Variants in LRRC63 observed in about 807,000 individuals in gnomAD.
The protein encoded by LRRC63 is leucine-rich repeat-containing protein 63.
LRRC63 carries 40 observed loss-of-function variants against 49.5 expected under a neutral mutation model. The observed-to-expected ratio is 0.81, with a 90% CI of 0.63 to 1.05. The LOEUF (loss-of-function observed/expected upper bound fraction) is 1.05, where lower values mean the gene tolerates loss of function less well. Among genes scored for constraint, LRRC63 ranks in the 50% least tolerant of loss-of-function variants. The pLI, the probability that LRRC63 is intolerant of heterozygous loss-of-function variation, is 0.00. For missense variants in LRRC63, 636 were observed against 663.1 expected (o/e 0.96, Z 0.45); for synonymous variants, 191 against 221.1 (o/e 0.86, Z 1.21).
chr13:46,213,791 A>T (rs999977076), intron 2 of LRRC63, among the ~76,000 whole-genome samples: 1 of 152,224 alleles, frequency 6.6e-6, no homozygotes, highest in African/African-American at 2.4e-5. Flanking sequence ...AAATGTTGAA[A>T]CCAGAGGTTT....
chr13:46,243,414 A>G (rs1383719597), intron 5 of LRRC63, among the ~76,000 whole-genome samples: 1 of 152,222 alleles, frequency 6.6e-6, no homozygotes, highest in Non-Finnish European at 1.5e-5. Context: ...CAGAAAATGA[A>G]TAACAAAATG....
At chr13:46,232,910 T>C (rs1404660509) in intron 4 of LRRC63, among the ~76,000 whole-genome samples, 1 of 152,212 alleles carries the variant, frequency 6.6e-6, no homozygotes, top group Admixed American at 6.5e-5. Context: ...CTGGTATTTT[T>C]GTTTTTTAAA....
chr13:46,222,085 A>G (rs2046421856), intron 2 of LRRC63, among the ~76,000 whole-genome samples: 1 of 152,158 alleles, frequency 6.6e-6, no homozygotes, highest in South Asian at 2.1e-4. Flanking sequence ...TTGTGGTTTA[A>G]TTTGTATTTC....
intron 2 of LRRC63, among the ~76,000 whole-genome samples, chr13:46,219,872 T>A (rs150575042): frequency 0.015 from 2,291 of 152,306 alleles, 27 homozygotes; most frequent in Non-Finnish European, 0.023. Context: ...CTGCTGCAGG[T>A]CTGCTGGAGT....
intron 7 of LRRC63, among the ~76,000 whole-genome samples, chr13:46,261,320 A>G (rs2047610456): frequency 6.6e-6 from 1 of 152,216 alleles, no homozygotes; most frequent in Non-Finnish European, 1.5e-5. Flanking sequence ...GTTAGTTAAT[A>G]TAAGGTCATA....
At chr13:46,237,481 G>C (rs1024463715) in intron 5 of LRRC63, among the ~76,000 whole-genome samples, 2 of 152,116 alleles carry the variant, frequency 1.3e-5, no homozygotes, top group Admixed American at 6.6e-5. Flanking sequence ...ATGTGGTGAA[G>C]GGGTATGTGG....
intron 8 of LRRC63, among the ~76,000 whole-genome samples, chr13:46,263,768 A>G (rs997233893): frequency 3.9e-5 from 6 of 152,186 alleles, no homozygotes; most frequent in Non-Finnish European, 7.3e-5. Flanking sequence ...TTATTAAAGA[A>G]TGTTTATTTA....
At chr13:46,258,552 G>A (rs1336258572) in intron 7 of LRRC63, among the ~76,000 whole-genome samples, 1 of 150,608 alleles carries the variant, frequency 6.6e-6, no homozygotes, top group East Asian at 2.0e-4. Flanking sequence ...GCTCACGCCT[G>A]TAATCCCAGC....
At chr13:46,259,912 CTAGTT>C (rs1187870088) in intron 7 of LRRC63, among the ~76,000 whole-genome samples, 1 of 152,046 alleles carries the variant, frequency 6.6e-6, no homozygotes, top group Non-Finnish European at 1.5e-5. Context: ...CAGTAGGGCT[CTAGTT>C]TAGGCAGCTC....
intron 2 of LRRC63, among the ~76,000 whole-genome samples, chr13:46,218,581 G>A (rs193203547): frequency 6.6e-6 from 1 of 152,204 alleles, no homozygotes; most frequent in East Asian, 1.9e-4. Context: ...TGTTTTAATA[G>A]GGGCATTTAG....
chr13:46,227,678 T>G, exon 3 of LRRC63: 1 of 1,550,458 alleles, frequency 6.4e-7, no homozygotes, highest in East Asian at 2.4e-5. Flanking sequence ...AAAGAGTGAC[T>G]GCAATTTCAT....
intron 9 of LRRC63, among the ~76,000 whole-genome samples, chr13:46,267,619 A>T (rs1422830963): frequency 6.6e-6 from 1 of 152,258 alleles, no homozygotes; most frequent in East Asian, 1.9e-4. Flanking sequence ...TTGACTCAAT[A>T]AAAGGCAGAA....
Position 46,250,207 on chromosome 13 carries a change from C to T in LRRC63, c.1090-148C>T, listed in dbSNP as rs17067889. ...CTGGTCACTTGTTTTGAAGGTTGAC[C>T]GAGGGTGTTTACTGAGTTACATGAT... On this transcript the variant is annotated intron_variant, in intron 6 of 9. Coordinates refer to ENST00000595396, the Ensembl canonical transcript of LRRC63. The T allele has an allele frequency of 5.1e-3, 3,247 of 631,106 alleles. 95 individuals are homozygous for T. Among genetic ancestry groups the T allele is most frequent in the African/African-American group, 0.051 (2,783 of 54,154 alleles). 39.1% of individuals were successfully genotyped at this position (631,106 alleles called of 1,614,324 possible). A position where few individuals can be genotyped will look rare whatever the true frequency, so the allele number is the denominator to read the frequency against.
chr13:46,276,761 T>C, exon 10 of LRRC63: 1 of 1,221,658 alleles, frequency 8.2e-7, no homozygotes, highest in South Asian at 4.2e-5. Context: ...GTAGTCCTAG[T>C]AGAAGAATAG....
intron 7 of LRRC63, among the ~76,000 whole-genome samples, chr13:46,254,096 C>T (rs17067901): frequency 0.015 from 2,322 of 152,010 alleles, 74 homozygotes; most frequent in African/African-American, 0.052. Flanking sequence ...TCAAATACAA[C>T]AGAGAAGCTC....
intron 9 of LRRC63, among the ~76,000 whole-genome samples, chr13:46,271,886 GA>G (rs777116866): frequency 6.6e-6 from 1 of 151,782 alleles, no homozygotes; most frequent in East Asian, 1.9e-4. Context: ...CATTTATACA[GA>G]AAAAAGTTTA....
At chr13:46,271,721 T>TAAAAA (rs56215272) in intron 9 of LRRC63, among the ~76,000 whole-genome samples, 1 of 132,000 alleles carries the variant, frequency 7.6e-6, no homozygotes, top group African/African-American at 2.8e-5. Flanking sequence ...TCATTTAAAC[T>TAAAAA]AAAAAAAAAA....
Position 46,276,535 on chromosome 13 carries a change from CAG to C in LRRC63, c.1551-52_1551-51del, listed in dbSNP as rs1226084642. 4.6e-5 allele frequency: 40 copies of C among 874,858 alleles called. No individual in the cohort carries two copies. In the South Asian group the frequency reaches 2.2e-3, roughly 47 times the overall value. The allele number at this position is 874,858 out of a possible 1,614,324, so 54.2% of individuals were successfully genotyped here. ...ATACTATTTGGAGTCTTGCATAGCA[CAG>C]AGTCTTTAGTAAAAATTTATTAAAT... On this transcript the variant is annotated intron_variant, in intron 9 of 9. Coordinates refer to ENST00000595396, the Ensembl canonical transcript of LRRC63.
intron 7 of LRRC63, among the ~76,000 whole-genome samples, chr13:46,259,929 T>C (rs17250770): frequency 0.019 from 2,932 of 152,290 alleles, 39 homozygotes; most frequent in Non-Finnish European, 0.03. Flanking sequence ...AGGCAGCTCA[T>C]TGGCCAATAA....
Sources: allele counts gnomAD v4.1 joint callset (sites outside exome capture counted in the v4.1 genomes callset), GRCh38; gene constraint gnomAD v4.1.1; transcripts MANE v1.5; gene names NCBI Gene and HGNC (gene_info 2026-07-23, HGNC 2026-07-21).